Variants in PLAC1 observed in about 807,000 individuals in gnomAD.
PLAC1 encodes placenta associated 1, also known as placenta-specific protein 1.
For missense variants in PLAC1, 136 were observed against 163.2 expected (o/e 0.83, Z 0.91); for synonymous variants, 68 against 62.1 (o/e 1.09, Z -0.44).
chrX:134,570,234 A>G (rs1331027617), intron 2 of PLAC1, among the ~76,000 whole-genome samples: 2 of 111,590 alleles, frequency 1.8e-5, no homozygotes, highest in Non-Finnish European at 3.8e-5. Flanking sequence ...GGGATCCCGA[A>G]CAAGGGAGGG....
At chrX:134,696,800 G>A (rs1475035582) in intron 2 of PLAC1, among the ~76,000 whole-genome samples, 12 of 110,103 alleles carry the variant, frequency 1.1e-4, no homozygotes, top group Admixed American at 4.9e-4. Context: ...AGGCCGAGGC[G>A]GGAGGATCAC....
intron 2 of PLAC1, among the ~76,000 whole-genome samples, chrX:134,569,870 G>A (rs752715460): frequency 1.6e-3 from 174 of 108,023 alleles, no homozygotes; most frequent in African/African-American, 5.6e-3. Flanking sequence ...CTGTTGTCCA[G>A]GCTGGAGTGC....
intron 1 of PLAC1, among the ~76,000 whole-genome samples, chrX:134,635,572 C>G (rs936188613): frequency 9.0e-6 from 1 of 111,301 alleles, no homozygotes; most frequent in African/African-American, 3.3e-5. Flanking sequence ...ACTCCTGGAC[C>G]CAAGCAATTC....
Position 134,629,968 on chromosome X carries a change from CT to C in PLAC1, c.-130-27847del, listed in dbSNP as rs368081621. ...TTTCTTTCTTTCTTCCTCTTCTTCC[CT>C]TTTTTTTTTTTTTTTTTTTGAGACA... On this transcript the variant is annotated intron_variant, in intron 1 of 2. Transcript: ENST00000359237. Among the ~76,000 whole-genome samples the C allele has an allele frequency of 7.2e-3, 651 of 89,870 alleles. 5 individuals carry two copies. The highest frequency in any genetic ancestry group is 0.02 in the African/African-American group (485 of 24,069). The allele number at this position is 89,870 out of a possible 115,157, so 78.0% of individuals were successfully genotyped here.
At chrX:134,639,421 C>G (rs1052008547) in intron 1 of PLAC1, among the ~76,000 whole-genome samples, 1 of 111,137 alleles carries the variant, frequency 9.0e-6, no homozygotes, top group African/African-American at 3.3e-5. Flanking sequence ...CTTGACTTAG[C>G]TGAAGAAAGG....
chrX:134,734,204 A>G (rs1236202964), intron 1 of PLAC1, among the ~76,000 whole-genome samples: 1 of 113,003 alleles, frequency 8.8e-6, no homozygotes, highest in Non-Finnish European at 1.9e-5. Flanking sequence ...TTGAAGGTTT[A>G]GAATAAATCC....
intron 2 of PLAC1, among the ~76,000 whole-genome samples, chrX:134,686,517 T>A (rs1055868469): frequency 1.8e-5 from 2 of 112,037 alleles, no homozygotes; most frequent in Admixed American, 1.9e-4. Flanking sequence ...TGTGACGTGC[T>A]CAGTCTGAGT....
intron 1 of PLAC1, among the ~76,000 whole-genome samples, chrX:134,636,165 A>G (rs1210448042): frequency 1.8e-5 from 2 of 112,146 alleles, no homozygotes; most frequent in African/African-American, 6.5e-5. Context: ...GAGTAGGCAG[A>G]TATACCAAAA....
At chrX:134,671,653 C>T (rs1442461813) in intron 2 of PLAC1, among the ~76,000 whole-genome samples, 3 of 110,305 alleles carry the variant, frequency 2.7e-5, no homozygotes, top group Non-Finnish European at 5.7e-5. Context: ...AACCATCAGA[C>T]CTCGTGAGAA....
upstream of PLAC1, among the ~76,000 whole-genome samples, chrX:134,663,078 A>T (rs1569400524): frequency 8.9e-6 from 1 of 112,786 alleles, no homozygotes; most frequent in East Asian, 2.8e-4. Flanking sequence ...TAGCTGTTAC[A>T]TTGTAAACAG....
At chrX:134,762,407 C>T (rs1291778531) in intron 1 of PLAC1, among the ~76,000 whole-genome samples, 1 of 111,971 alleles carries the variant, frequency 8.9e-6, no homozygotes, top group African/African-American at 3.2e-5. Context: ...AACATTCCCC[C>T]AGAAGATCCA....
chrX:134,718,039 TG>T (rs756901953), intron 2 of PLAC1, among the ~76,000 whole-genome samples: 1 of 112,069 alleles, frequency 8.9e-6, no homozygotes, highest in South Asian at 3.8e-4. Context: ...TAATCAGAAG[TG>T]GAGCCCAGAA....
At chrX:134,735,546 C>T (rs779639876) in intron 1 of PLAC1, among the ~76,000 whole-genome samples, 1 of 111,137 alleles carries the variant, frequency 9.0e-6, no homozygotes, top group African/African-American at 3.3e-5. Flanking sequence ...AAGTCCAGAG[C>T]CCAAAAAATG....
chrX:134,748,721 T>A (rs183637307), intron 1 of PLAC1, among the ~76,000 whole-genome samples: 4 of 111,615 alleles, frequency 3.6e-5, no homozygotes, highest in African/African-American at 1.3e-4. Flanking sequence ...AGGGTTTAAA[T>A]GGGGGGAACG....
At chrX:134,693,976 C>A (rs1186584032) in intron 2 of PLAC1, among the ~76,000 whole-genome samples, 1 of 111,614 alleles carries the variant, frequency 9.0e-6, no homozygotes, top group Non-Finnish European at 1.9e-5. Flanking sequence ...GGAAAAAAAA[C>A]AACTGTGTTT....
intron 2 of PLAC1, among the ~76,000 whole-genome samples, chrX:134,719,321 C>T (rs1010464288): frequency 2.7e-5 from 3 of 112,135 alleles, no homozygotes; most frequent in Non-Finnish European, 3.8e-5. Context: ...AAATGAATTA[C>T]GCACAATGAC....
At chrX:134,662,527 C>A (rs1450985527), upstream of PLAC1, among the ~76,000 whole-genome samples, 2 of 112,126 alleles carry the variant, frequency 1.8e-5, no homozygotes, top group East Asian at 2.8e-4. Flanking sequence ...ATTGTCTTGA[C>A]CAAGAGTTGA....
At chrX:134,619,154 T>C (rs1278939503) in intron 1 of PLAC1, among the ~76,000 whole-genome samples, 8 of 112,203 alleles carry the variant, frequency 7.1e-5, no homozygotes, top group Admixed American at 6.6e-4. Flanking sequence ...AACACAATTA[T>C]AGTTCCACCA....
At chrX:134,620,510 T>G (rs1478007366) in intron 1 of PLAC1, among the ~76,000 whole-genome samples, 1 of 112,255 alleles carries the variant, frequency 8.9e-6, no homozygotes, top group East Asian at 2.8e-4. Flanking sequence ...GTGGTGGTCC[T>G]ATAGAACTTT....
Sources: gnomAD v4.1 joint callset for allele counts (sites outside exome capture counted in the v4.1 genomes callset) on GRCh38, gnomAD v4.1.1 for gene constraint, MANE v1.5 for transcripts, NCBI Gene and HGNC (gene_info 2026-07-23, HGNC 2026-07-21) for gene names.